The following FANCB variants were observed in gnomAD, a reference collection of about 807,000 sequenced individuals.
FANCB encodes the protein Fanconi anemia group B protein.
FANCB carries 5 observed loss-of-function variants against 38.9 expected under a neutral mutation model. The ratio of observed to expected loss-of-function variants is 0.13; its 90% CI spans 0.07 to 0.27. FANCB has a LOEUF of 0.27. FANCB is among the 10% of genes least tolerant of loss of function. The probability of loss-of-function intolerance (pLI) is 1.00; values close to 1 mark genes in which losing one functional copy is unlikely to be tolerated. For missense variants in FANCB, 573 were observed against 602.7 expected (o/e 0.95, Z 0.52); for synonymous variants, 236 against 215.4 (o/e 1.10, Z -0.84).
the FANCB span, among the ~76,000 whole-genome samples, chrX:14,788,122 C>T: frequency 1.9e-5 from 2 of 107,845 alleles, no homozygotes; most frequent in Non-Finnish European, 3.8e-5. Flanking sequence ...GAAATGTGCC[C>T]GAGAGGGACT....
At chrX:14,789,739 T>C in the FANCB span, among the ~76,000 whole-genome samples, 1 of 111,603 alleles carries the variant, frequency 9.0e-6, no homozygotes, top group African/African-American at 3.3e-5. Context: ...CTTGTGCCAT[T>C]TTCTGTAGCA....
In FANCB at chrX:14,871,154, G is replaced by A. The variant is rs191766970; in HGVS notation, c.-192+1832C>T. Among the ~76,000 whole-genome samples, 334 of 110,691 alleles carry A rather than the reference G, an allele frequency of 3.0e-3. 1 individual carries two copies. The highest frequency in any genetic ancestry group is 9.9e-3 in the African/African-American group (302 of 30,438). ...AGAATCGTGATCAACTAAATTAGAGGATTTGGGAAGATTACGCTAAAGAAG... is the reference window on the plus strand; with the variant it reads ...AGAATCGTGATCAACTAAATTAGAGAATTTGGGAAGATTACGCTAAAGAAG... On this transcript the variant is annotated intron_variant, in intron 1 of 9. Coordinates refer to ENST00000650831, the MANE Select transcript of FANCB (RefSeq NM_001018113.3).
the FANCB span, among the ~76,000 whole-genome samples, chrX:14,813,552 A>T: frequency 9.0e-6 from 1 of 111,639 alleles, no homozygotes; most frequent in Non-Finnish European, 1.9e-5. Context: ...AAGCCAAATC[A>T]TGAGTGAACT....
chrX:14,787,468 T>A, the FANCB span, among the ~76,000 whole-genome samples: 1 of 110,735 alleles, frequency 9.0e-6, no homozygotes, highest in African/African-American at 3.3e-5. Context: ...TACGACTTAG[T>A]GATCTATTGC....
At chrX:14,700,821 T>A in the FANCB span, among the ~76,000 whole-genome samples, 2 of 110,356 alleles carry the variant, frequency 1.8e-5, no homozygotes, top group Non-Finnish European at 1.9e-5. Flanking sequence ...GTGTTTTTTT[T>A]AATGAGCAAC....
the FANCB span, among the ~76,000 whole-genome samples, chrX:14,737,207 C>T: frequency 9.0e-5 from 10 of 111,065 alleles, no homozygotes; most frequent in East Asian, 2.8e-4. Context: ...TAAGGTGAAA[C>T]GAAACTTAAG....
chrX:14,812,455 A>C, the FANCB span, among the ~76,000 whole-genome samples: 1 of 112,287 alleles, frequency 8.9e-6, no homozygotes, highest in Non-Finnish European at 1.9e-5. Flanking sequence ...AGAATCAAAT[A>C]GATGCAATAA....
chrX:14,701,442 G>A, the FANCB span, among the ~76,000 whole-genome samples: 1 of 111,432 alleles, frequency 9.0e-6, no homozygotes, highest in Non-Finnish European at 1.9e-5. Context: ...ACTAAGCCTA[G>A]CACCCCTCTG....
the FANCB span, chrX:14,730,634 A>C: frequency 2.5e-5 from 11 of 441,047 alleles, no homozygotes; most frequent in South Asian, 4.1e-4. Context: ...CACCTACATG[A>C]AAAAAAAGAC....
the FANCB span, among the ~76,000 whole-genome samples, chrX:14,785,069 G>A: frequency 8.9e-6 from 1 of 111,746 alleles, no homozygotes; most frequent in Admixed American, 9.5e-5. Context: ...TGCATGCTGG[G>A]TTTAATACCT....
chrX:14,844,428 C>A (rs942563311), intron 9 of FANCB, 75 bp downstream of exon 9: 3 of 714,728 alleles, frequency 4.2e-6, no homozygotes, highest in Non-Finnish European at 6.7e-6. Context: ...ACATGCGGAT[C>A]GCTGTTGAAC....
intron 5 of FANCB, among the ~76,000 whole-genome samples, chrX:14,855,585 C>A (rs962647974): frequency 8.9e-6 from 1 of 112,011 alleles, no homozygotes; most frequent in African/African-American, 3.2e-5. Flanking sequence ...ATCTCTTTAA[C>A]TCTTAAAGTC....
In FANCB at chrX:14,844,843, C is replaced by G. The variant is rs1324373525; in HGVS notation, c.1927+13G>C. 8.4e-7 allele frequency: 1 copy of G among 1,190,846 alleles called. No homozygotes were observed. The highest frequency in any genetic ancestry group is 1.1e-6 in the Non-Finnish European group (1 of 879,950). Reference sequence around the variant, plus strand: ...CAATTAAATATATAATCTAAAAGTGCCAACAAAATTACCTATAGGTTTCTT... The same window carrying G: ...CAATTAAATATATAATCTAAAAGTGGCAACAAAATTACCTATAGGTTTCTT... On this transcript the variant is annotated intron_variant, in intron 8 of 9. Transcript: ENST00000650831.
the FANCB span, among the ~76,000 whole-genome samples, chrX:14,786,708 G>T: frequency 1.8e-5 from 2 of 110,606 alleles, no homozygotes; most frequent in African/African-American, 6.6e-5. Flanking sequence ...AAGCAGATTG[G>T]GGTAAAATTG....
chrX:14,822,785 C>T, the FANCB span, among the ~76,000 whole-genome samples: 38 of 111,479 alleles, frequency 3.4e-4, no homozygotes, highest in African/African-American at 8.8e-4. Flanking sequence ...TCTGGTTCTA[C>T]AAACCCTAGA....
At chrX:14,861,440 G>A (rs1317329377) in intron 3 of FANCB, among the ~76,000 whole-genome samples, 4 of 111,131 alleles carry the variant, frequency 3.6e-5, no homozygotes, top group African/African-American at 9.8e-5. Flanking sequence ...ATCTTTGTAA[G>A]CTGGCTTAAT....
At chrX:14,828,504 C>T in the FANCB span, among the ~76,000 whole-genome samples, 1 of 111,847 alleles carries the variant, frequency 8.9e-6, no homozygotes, top group African/African-American at 3.3e-5. Flanking sequence ...AAACTACTTG[C>T]TTTGCTTATC....
At chrX:14,871,135 G>A (rs950133584) in intron 1 of FANCB, among the ~76,000 whole-genome samples, 4 of 110,636 alleles carry the variant, frequency 3.6e-5, no homozygotes, top group East Asian at 2.8e-4. Context: ...CGGGAGAATC[G>A]TGATCAACTA....
the FANCB span, among the ~76,000 whole-genome samples, chrX:14,720,636 C>T: frequency 8.9e-6 from 1 of 111,736 alleles, no homozygotes; most frequent in African/African-American, 3.3e-5. Flanking sequence ...TGGTTGTCCT[C>T]TCTAGTTTTT....
Sources: allele counts gnomAD v4.1 joint callset (sites outside exome capture counted in the v4.1 genomes callset), GRCh38; gene constraint gnomAD v4.1.1; transcripts MANE v1.5; gene names NCBI Gene and HGNC (gene_info 2026-07-23, HGNC 2026-07-21).